DLC1: variants seen among roughly 807,000 people sequenced by gnomAD.
DLC1 encodes DLC1 Rho GTPase activating protein.
A neutral mutation model predicts 140.3 loss-of-function variants in DLC1; 54 were observed. The observed-to-expected ratio is 0.38, with a 90% confidence interval of 0.31 to 0.48. The LOEUF (loss-of-function observed/expected upper bound fraction) is 0.48, where lower values mean the gene tolerates loss of function less well. DLC1 is among the 20% of genes least tolerant of loss of function. The probability of loss-of-function intolerance (pLI) is 0.96; values close to 1 mark genes in which losing one functional copy is unlikely to be tolerated. For missense variants in DLC1, 2,536 were observed against 1,907.0 expected, an observed-to-expected ratio of 1.33 and a Z score of -6.14; for synonymous variants, 986 against 728.1, an observed-to-expected ratio of 1.35 and a Z score of -5.70.
chr8:13,276,453 C>G (rs1586056795), intron 5 of DLC1: 1 of 1,395,740 alleles, frequency 7.2e-7, no homozygotes, highest in East Asian at 3.0e-5. Context: ...TGCCTCGGTA[C>G]TCCGCCCCGC....
chr8:13,451,919 G>T (rs1325179477), intron 2 of DLC1, among the ~76,000 whole-genome samples: 1 of 152,072 alleles, frequency 6.6e-6, no homozygotes, highest in East Asian at 1.9e-4. Context: ...TGGTAGCTCT[G>T]TTTTTAGTTT....
chr8:13,110,881 AG>A, intron 6 of DLC1, 58 bp from the exon 7 acceptor site: 1 of 1,509,538 alleles, frequency 6.6e-7, no homozygotes, highest in Non-Finnish European at 9.2e-7. Context: ...TTTGCCAAAT[AG>A]CCCAGTTTAC....
At chr8:13,493,202 A>G (rs1028576746) in intron 2 of DLC1, among the ~76,000 whole-genome samples, 1 of 152,184 alleles carries the variant, frequency 6.6e-6, no homozygotes. Context: ...GTGTAAAATA[A>G]TACTGTTATT....
At chr8:13,169,740 G>A (rs10216431) in intron 5 of DLC1, among the ~76,000 whole-genome samples, 22,060 of 152,088 alleles carry the variant, frequency 0.15, 1,685 homozygotes, top group Non-Finnish European at 0.16. Context: ...ACATGGAAGA[G>A]AGCCTGAGCC....
At chr8:13,270,393 C>T (rs770317582) in intron 5 of DLC1, among the ~76,000 whole-genome samples, 1 of 152,296 alleles carries the variant, frequency 6.6e-6, no homozygotes, top group Non-Finnish European at 1.5e-5. Flanking sequence ...GCAGCCTTGA[C>T]ATTTAGCATA....
chr8:13,231,820 T>C (rs776404665), intron 5 of DLC1, among the ~76,000 whole-genome samples: 1 of 152,264 alleles, frequency 6.6e-6, no homozygotes, highest in Non-Finnish European at 1.5e-5. Context: ...AAAAGGTCTC[T>C]GCAAAAGCAT....
intron 1 of DLC1, among the ~76,000 whole-genome samples, chr8:13,581,958 ACT>A (rs1280938620): frequency 2.0e-5 from 3 of 152,114 alleles, no homozygotes; most frequent in African/African-American, 7.2e-5. Flanking sequence ...TTTTAGAAAA[ACT>A]CTGTGTGTGA....
At chr8:13,500,647 G>A (rs755977092) in intron 1 of DLC1, among the ~76,000 whole-genome samples, 3 of 152,178 alleles carry the variant, frequency 2.0e-5, no homozygotes, top group African/African-American at 7.2e-5. Context: ...AACTGTTCAT[G>A]CAAAACTTGA....
chr8:13,293,155 A>G (rs1160649345), intron 5 of DLC1, among the ~76,000 whole-genome samples: 1 of 152,228 alleles, frequency 6.6e-6, no homozygotes, highest in Non-Finnish European at 1.5e-5. Context: ...GCTTAAGCCC[A>G]GGAGTTCCAG....
intron 5 of DLC1, among the ~76,000 whole-genome samples, chr8:13,139,433 T>C (rs924698608): frequency 1.3e-5 from 2 of 151,096 alleles, no homozygotes; most frequent in Non-Finnish European, 2.9e-5. Flanking sequence ...AGTACTTTCA[T>C]CATTCAACAA....
At chr8:13,391,631 C>T (rs1303548560) in intron 4 of DLC1, among the ~76,000 whole-genome samples, 1 of 152,084 alleles carries the variant, frequency 6.6e-6, no homozygotes, top group Non-Finnish European at 1.5e-5. Flanking sequence ...AATGTATACG[C>T]ACTTCTGTGT....
At chr8:13,567,596 G>A (rs752134623) in intron 1 of DLC1, 1 of 1,551,752 alleles carries the variant, frequency 6.4e-7, no homozygotes, top group Admixed American at 2.0e-5. Flanking sequence ...TGTCCCTATT[G>A]TAACAGGAAA....
At chr8:13,514,941 G>A (rs1331748674), upstream of DLC1, 1 of 288,446 alleles carries the variant, frequency 3.5e-6, no homozygotes, top group Non-Finnish European at 6.4e-6. Flanking sequence ...TAGAAAGGCT[G>A]TACGAAGAGA....
chr8:13,380,970 A>T (rs1161855632), intron 4 of DLC1, among the ~76,000 whole-genome samples: 1 of 152,088 alleles, frequency 6.6e-6, no homozygotes, highest in Non-Finnish European at 1.5e-5. Flanking sequence ...CCCTCTAGGG[A>T]AGGGTTAATA....
At chr8:13,349,418 A>G (rs1463721169) in intron 4 of DLC1, among the ~76,000 whole-genome samples, 1 of 152,162 alleles carries the variant, frequency 6.6e-6, no homozygotes, top group African/African-American at 2.4e-5. Flanking sequence ...AACGGAATAC[A>G]TAAAGTAAAA....
At chr8:13,191,304 C>A (rs865886400) in intron 5 of DLC1, among the ~76,000 whole-genome samples, 1 of 152,240 alleles carries the variant, frequency 6.6e-6, no homozygotes, top group Non-Finnish European at 1.5e-5. Context: ...GTCAGCAGTT[C>A]AAGACCAGCC....
intron 2 of DLC1, among the ~76,000 whole-genome samples, chr8:13,466,012 T>TA (rs1325231701): frequency 2.0e-5 from 3 of 152,136 alleles, no homozygotes; most frequent in Non-Finnish European, 4.4e-5. Context: ...ACCTCCTCCC[T>TA]AGGGGGCAGC....
chr8:13,287,701 T>G (rs1831582586), intron 5 of DLC1, among the ~76,000 whole-genome samples: 2 of 152,210 alleles, frequency 1.3e-5, no homozygotes, highest in South Asian at 2.1e-4. Flanking sequence ...CTTTGGAATT[T>G]TGTGCACATT....
chr8:13,463,871 G>A (rs1359573606), intron 2 of DLC1, among the ~76,000 whole-genome samples: 3 of 152,130 alleles, frequency 2.0e-5, no homozygotes, highest in Non-Finnish European at 4.4e-5. Flanking sequence ...GGACACGAAA[G>A]AGCTCAGAAA....
Sources: gnomAD v4.1 joint callset for allele counts (sites outside exome capture counted in the v4.1 genomes callset) on GRCh38, gnomAD v4.1.1 for gene constraint, MANE v1.5 for transcripts, NCBI Gene and HGNC (gene_info 2026-07-23, HGNC 2026-07-21) for gene names.